PPARG: variants seen among roughly 807,000 people sequenced by gnomAD.
The protein encoded by PPARG is peroxisome proliferator-activated receptor gamma.
Under a neutral mutation model 39.2 loss-of-function variants are expected in PPARG, and 17 were observed. The observed-to-expected ratio is 0.43, with a 90% CI of 0.30 to 0.65. The LOEUF is 0.65. Ranked by LOEUF, PPARG falls within the 30% of genes least tolerant of loss-of-function variation. The pLI is 0.13. For missense variants in PPARG, 406 were observed against 585.9 expected (o/e 0.69, Z 3.17); for synonymous variants, 223 against 215.7 (o/e 1.03, Z -0.30).
intron 7 of PPARG, among the ~76,000 whole-genome samples, chr3:12,426,434 C>T (rs2051449960): frequency 6.6e-6 from 1 of 152,126 alleles, no homozygotes; most frequent in East Asian, 1.9e-4. Context: ...TCATCCATGG[C>T]TCAGACCTCT....
chr3:12,307,881 C>T (rs2047116126), intron 1 of PPARG, among the ~76,000 whole-genome samples: 1 of 152,018 alleles, frequency 6.6e-6, no homozygotes, highest in Non-Finnish European at 1.5e-5. Flanking sequence ...CCTTGGAACT[C>T]TCAAGAGAGG....
intron 2 of PPARG, among the ~76,000 whole-genome samples, chr3:12,334,329 C>CAA (rs2047949712): frequency 6.6e-6 from 1 of 151,376 alleles, no homozygotes; most frequent in Non-Finnish European, 1.5e-5. Context: ...CTCCCGGGTT[C>CAA]AAACAATTCT....
Position 12,377,767 on chromosome 3 carries a change from A to G in PPARG, c.-8-1937A>G, listed in dbSNP as rs191623702. On this transcript the variant is annotated intron_variant, in intron 2 of 7. Transcript: ENST00000651735. ...AATCATTAACAGATTGCATCAAACT[A>G]GAAACTTCTTCACCACAAAGGAAAT... Among the ~76,000 whole-genome samples, 3 of 152,336 alleles carry G rather than the reference A, an allele frequency of 2.0e-5. No homozygotes were observed. In the East Asian group the frequency reaches 5.8e-4, roughly 29 times the overall value.
At chr3:12,332,127 A>T (rs758510822) in intron 2 of PPARG, among the ~76,000 whole-genome samples, 6 of 152,218 alleles carry the variant, frequency 3.9e-5, no homozygotes, top group South Asian at 4.1e-4. Flanking sequence ...AGGAACTGGA[A>T]TGTACAGTGT....
At chr3:12,412,354 C>T (rs1051076199) in intron 6 of PPARG, among the ~76,000 whole-genome samples, 1 of 152,106 alleles carries the variant, frequency 6.6e-6, no homozygotes, top group African/African-American at 2.4e-5. Context: ...ACATAGGAAG[C>T]ATGCCATAGA....
At chr3:12,410,871 T>C (rs1195193531) in intron 6 of PPARG, among the ~76,000 whole-genome samples, 2 of 152,222 alleles carry the variant, frequency 1.3e-5, no homozygotes, top group African/African-American at 4.8e-5. Context: ...AAACAACGTA[T>C]GGGTTCTTTT....
chr3:12,330,350 T>G (rs1025395285), intron 2 of PPARG, among the ~76,000 whole-genome samples: 1 of 151,316 alleles, frequency 6.6e-6, no homozygotes, highest in East Asian at 1.9e-4. Context: ...TCAAGTGTTA[T>G]CTCATTGTGG....
At chr3:12,374,341 G>A (rs897708381) in intron 2 of PPARG, among the ~76,000 whole-genome samples, 3 of 152,138 alleles carry the variant, frequency 2.0e-5, no homozygotes, top group East Asian at 1.9e-4. Flanking sequence ...GCTCACACCC[G>A]TAATCCCAGC....
At chr3:12,327,859 A>G in intron 2 of PPARG, 2 of 479,626 alleles carry the variant, frequency 4.2e-6, no homozygotes, top group Non-Finnish European at 7.4e-6. Flanking sequence ...GTTATCACAA[A>G]CAAAGCAAGC....
chr3:12,319,076 A>G (rs2047468288), intron 2 of PPARG, among the ~76,000 whole-genome samples: 1 of 152,220 alleles, frequency 6.6e-6, no homozygotes, highest in African/African-American at 2.4e-5. Context: ...TTTCAGGGAA[A>G]TACCATAATG....
chr3:12,367,903 A>G (rs1347470761), intron 2 of PPARG, among the ~76,000 whole-genome samples: 3 of 151,558 alleles, frequency 2.0e-5, no homozygotes, highest in South Asian at 2.1e-4. Flanking sequence ...TAAATAAAAT[A>G]TAATAAAAAA....
At chr3:12,328,756 C>G (rs1234357379) in intron 2 of PPARG, among the ~76,000 whole-genome samples, 4 of 152,196 alleles carry the variant, frequency 2.6e-5, no homozygotes, top group African/African-American at 9.6e-5. Context: ...CTTCCTGTAT[C>G]TTTGACTAAC....
intron 7 of PPARG, among the ~76,000 whole-genome samples, chr3:12,425,432 G>C (rs530192288): frequency 6.6e-6 from 1 of 152,238 alleles, no homozygotes; most frequent in African/African-American, 2.4e-5. Context: ...ATGTGCTGTT[G>C]CCATTTCCAG....
chr3:12,386,155 GT>G (rs1013994295), intron 4 of PPARG, among the ~76,000 whole-genome samples: 1 of 152,128 alleles, frequency 6.6e-6, no homozygotes, highest in African/African-American at 2.4e-5. Flanking sequence ...TTATTAGAGT[GT>G]TTCTTCATCA....
intron 1 of PPARG, among the ~76,000 whole-genome samples, chr3:12,296,253 T>TAA (rs2046781139): frequency 2.8e-5 from 1 of 35,738 alleles, no homozygotes; most frequent in Non-Finnish European, 5.0e-5. Flanking sequence ...ACACTTTGTC[T>TAA]CAAAAAAAAA....
intron 1 of PPARG, among the ~76,000 whole-genome samples, chr3:12,290,994 G>GT (rs2046635333): frequency 6.6e-6 from 1 of 152,132 alleles, no homozygotes. Flanking sequence ...CATTCTAATT[G>GT]TGGGTGTCTT....
chr3:12,333,604 C>T (rs2047924397), intron 2 of PPARG, among the ~76,000 whole-genome samples: 1 of 152,122 alleles, frequency 6.6e-6, no homozygotes, highest in South Asian at 2.1e-4. Context: ...GGAACCTTGG[C>T]TAAGCCACGT....
At chr3:12,406,321 A>G in intron 6 of PPARG, 1 of 514,816 alleles carries the variant, frequency 1.9e-6, no homozygotes, top group Non-Finnish European at 3.6e-6. Flanking sequence ...GTAACAATGT[A>G]TTGGTCATCC....
intron 2 of PPARG, among the ~76,000 whole-genome samples, chr3:12,320,812 A>G (rs2047521848): frequency 1.3e-5 from 2 of 152,198 alleles, no homozygotes; most frequent in Admixed American, 1.3e-4. Context: ...CAGGGAGGTC[A>G]AGGCTGCAGT....
Sources: gnomAD v4.1 joint callset for allele counts (sites outside exome capture counted in the v4.1 genomes callset) on GRCh38, gnomAD v4.1.1 for gene constraint, MANE v1.5 for transcripts, NCBI Gene and HGNC (gene_info 2026-07-23, HGNC 2026-07-21) for gene names.